The following XKR4 variants were observed in gnomAD, a reference collection of about 807,000 sequenced individuals.
The protein encoded by XKR4 is XK-related protein 4.
A neutral mutation model predicts 53.9 loss-of-function variants in XKR4; 12 were observed. That is an observed-to-expected ratio of 0.22 (90% CI 0.14 to 0.36). The LOEUF is 0.36. Among genes scored for constraint, XKR4 ranks in the 10% least tolerant of loss-of-function variants. XKR4 has a pLI of 1.00. For synonymous variants in XKR4, 354 were observed against 362.4 expected (o/e 0.98, Z 0.26); for missense variants, 799 against 859.5 (o/e 0.93, Z 0.88).
In XKR4 at chr8:55,523,296, C is replaced by T. The variant is rs1347985143; in HGVS notation, c.1022C>T (p.Ala341Val). ...GCCTTTGTAGGTTTCACAGCGGCAG[C>T]TTCCCTCGTGTCCCTGGCCTGGGCC... ...LQALQGFTAAASLVSLAWALA... is the reference protein window; with the variant it reads ...LQALQGFTAAVSLVSLAWALA... Residue 341 changes from alanine to valine, a missense_variant, in exon 3 of 3, where the codon GCT (alanine) becomes GTT (valine). Coordinates refer to ENST00000327381, the MANE Select transcript of XKR4 (RefSeq NM_052898.2). The T allele has an allele frequency of 2.5e-6, 4 of 1,603,296 alleles. No homozygotes were observed. Among genetic ancestry groups the T allele is most frequent in the East Asian group, 4.5e-5 (2 of 44,722 alleles).
chr8:55,361,883 G>A (rs768878710), intron 2 of XKR4, among the ~76,000 whole-genome samples: 9 of 151,988 alleles, frequency 5.9e-5, no homozygotes, highest in Non-Finnish European at 1.0e-4. Flanking sequence ...GTTCTTACTC[G>A]TCCTGCAGAA....
At chr8:55,386,859 ATG>A (rs1804325575) in intron 2 of XKR4, among the ~76,000 whole-genome samples, 9 of 152,204 alleles carry the variant, frequency 5.9e-5, no homozygotes, top group Admixed American at 6.5e-5. Context: ...AACATTTATT[ATG>A]TATCTTAGTC....
chr8:55,456,352 A>G (rs910246786), intron 2 of XKR4, among the ~76,000 whole-genome samples: 38 of 152,244 alleles, frequency 2.5e-4, no homozygotes, highest in Admixed American at 1.8e-3. Flanking sequence ...AATCACTTGA[A>G]CCCAGCGGGC....
At chr8:55,461,858 G>A (rs910132103) in intron 2 of XKR4, among the ~76,000 whole-genome samples, 3 of 152,188 alleles carry the variant, frequency 2.0e-5, no homozygotes, top group Non-Finnish European at 2.9e-5. Flanking sequence ...GCGATCAACT[G>A]AAAGAAAGGG....
chr8:55,383,860 A>G (rs1241699816), intron 2 of XKR4, among the ~76,000 whole-genome samples: 4 of 152,212 alleles, frequency 2.6e-5, no homozygotes, highest in Non-Finnish European at 4.4e-5. Context: ...CAGGATTCAT[A>G]TTCAGACAAT....
intron 1 of XKR4, among the ~76,000 whole-genome samples, chr8:55,129,272 A>G (rs983599210): frequency 6.6e-6 from 1 of 152,196 alleles, no homozygotes; most frequent in African/African-American, 2.4e-5. Context: ...TCTAAGACAA[A>G]GAAATAATGC....
chr8:55,311,560 T>C (rs1586004195), intron 1 of XKR4, among the ~76,000 whole-genome samples: 1 of 152,094 alleles, frequency 6.6e-6, no homozygotes, highest in Non-Finnish European at 1.5e-5. Context: ...AGTTAATTTG[T>C]AGGCTCTTAG....
rs1807053734 is a variant in XKR4 at position 55,537,986 on chromosome 8, G to A, written c.*13759G>A. The stretch of plus-strand genomic sequence containing the variant: ...AAAAGCATGAGTCATTTTATTCAGT[G>A]ATCTTTGGTAGTACGATAATCAATG... On this transcript the variant is annotated 3_prime_UTR_variant, in exon 3 of 3. Transcript: ENST00000327381. The A allele has an allele frequency of 6.6e-6, 1 of 152,190 alleles. No homozygotes were observed. Among genetic ancestry groups the A allele is most frequent in the Non-Finnish European group, 1.5e-5 (1 of 68,032 alleles). 9.4% of individuals were successfully genotyped at this position (152,190 alleles called of 1,614,324 possible).
intron 1 of XKR4, among the ~76,000 whole-genome samples, chr8:55,199,545 T>C (rs1437199873): frequency 6.6e-6 from 1 of 152,174 alleles, no homozygotes; most frequent in Admixed American, 6.5e-5. Context: ...ATTGTGCAGA[T>C]GAGGGGGAAC....
intron 2 of XKR4, among the ~76,000 whole-genome samples, chr8:55,433,710 G>T (rs1805133836): frequency 6.6e-6 from 1 of 152,206 alleles, no homozygotes; most frequent in Non-Finnish European, 1.5e-5. Flanking sequence ...CACAGCAAGT[G>T]TGTATTAAAT....
At chr8:55,460,268 T>A (rs1222198636) in intron 2 of XKR4, among the ~76,000 whole-genome samples, 1 of 152,110 alleles carries the variant, frequency 6.6e-6, no homozygotes, top group Admixed American at 6.5e-5. Context: ...CTATCTGAAA[T>A]GGGATGGGAG....
intron 1 of XKR4, among the ~76,000 whole-genome samples, chr8:55,300,720 G>T (rs1317593826): frequency 6.6e-6 from 1 of 152,072 alleles, no homozygotes; most frequent in Non-Finnish European, 1.5e-5. Flanking sequence ...TACTAAATGT[G>T]GGGGAATAAG....
chr8:55,127,705 A>C (rs1338958845), intron 1 of XKR4, among the ~76,000 whole-genome samples: 1 of 143,550 alleles, frequency 7.0e-6, no homozygotes, highest in Non-Finnish European at 1.5e-5. Context: ...TAGCTTAGGT[A>C]TATCTCCTAA....
chr8:55,261,178 A>G (rs1305190542), intron 1 of XKR4, among the ~76,000 whole-genome samples: 1 of 152,166 alleles, frequency 6.6e-6, no homozygotes, highest in East Asian at 1.9e-4. Context: ...ACTAGGAATC[A>G]GGGTGCCTGG....
At chr8:55,490,093 C>A (rs1394984115) in intron 2 of XKR4, among the ~76,000 whole-genome samples, 1 of 152,018 alleles carries the variant, frequency 6.6e-6, no homozygotes, top group Admixed American at 6.6e-5. Flanking sequence ...CTCTTTATTA[C>A]TTTGCATACA....
Position 55,316,135 on chromosome 8 carries a change from G to A in XKR4, c.807-41543G>A, listed in dbSNP as rs181660949. ...AATTTCAGATGAACCCATTCAATGT[G>A]GCCCCCTCCAAAGTAACAGTGACAG... On this transcript the variant is annotated intron_variant, in intron 1 of 2. Transcript: ENST00000327381. Among the ~76,000 whole-genome samples, 149 of 152,164 alleles carry A rather than the reference G, an allele frequency of 9.8e-4. 1 individual carries two copies. Among genetic ancestry groups the A allele is most frequent in the African/African-American group, 3.5e-3 (144 of 41,454 alleles).
chr8:55,241,452 G>A (rs969289137), intron 1 of XKR4, among the ~76,000 whole-genome samples: 2 of 151,588 alleles, frequency 1.3e-5, no homozygotes, highest in African/African-American at 4.8e-5. Context: ...CTTCACTGCA[G>A]TCCATCAGCC....
intron 1 of XKR4, among the ~76,000 whole-genome samples, chr8:55,350,790 A>C (rs1490254891): frequency 1.5e-5 from 2 of 131,956 alleles, no homozygotes. Flanking sequence ...CCCTGGCTGG[A>C]GTGCAGTGGC....
intron 1 of XKR4, among the ~76,000 whole-genome samples, chr8:55,120,711 T>A (rs926931362): frequency 1.3e-5 from 2 of 152,138 alleles, no homozygotes; most frequent in African/African-American, 4.8e-5. Flanking sequence ...TTACAACTGA[T>A]GGAAAATATT....
Sources: gnomAD v4.1 joint callset for allele counts (sites outside exome capture counted in the v4.1 genomes callset) on GRCh38, gnomAD v4.1.1 for gene constraint, MANE v1.5 for transcripts, NCBI Gene and HGNC (gene_info 2026-07-23, HGNC 2026-07-21) for gene names.